Variants in AP3B1 observed in about 807,000 individuals in gnomAD.
AP3B1 encodes the protein AP-3 complex subunit beta-1.
AP3B1 carries 61 observed loss-of-function variants against 132.5 expected under a neutral mutation model. The ratio of observed to expected loss-of-function variants is 0.46; its 90% confidence interval spans 0.37 to 0.57. The LOEUF is 0.57. AP3B1 is among the 20% of genes least tolerant of loss of function. AP3B1 has a pLI of 0.00. For synonymous variants in AP3B1, 388 were observed against 438.3 expected (o/e 0.89, Z 1.43); for missense variants, 1,120 against 1,289.4 (o/e 0.87, Z 2.01).
At position 78,181,619 on chromosome 5, in the gene AP3B1, T is replaced by C. The variant is rs147761913; in HGVS notation, c.830A>G (p.Asp277Gly). ...GTCAGTCTTTTCCTTCTGATCATCA[T>C]CAGATTCGTAGAAATTCTTTCCATT... The part of the protein sequence containing the change: ...EDNGKNFYES[D>G]DDQKEKTDKK... Residue 277 changes from aspartate to glycine, a missense_variant, in exon 8 of 27, where the codon GAT becomes GGT. Around this residue, in one of 3 missense-constraint regions of AP3B1, gnomAD observed 906 missense variants for 997.1 expected, o/e 0.91. Coordinates refer to ENST00000255194, the MANE Select transcript of AP3B1 (RefSeq NM_003664.5). 1 of 1,612,406 alleles carries C rather than the reference T, an allele frequency of 6.2e-7. No homozygotes were observed.
intron 20 of AP3B1, among the ~76,000 whole-genome samples, chr5:78,102,858 T>G (rs994049515): frequency 3.3e-5 from 5 of 152,110 alleles, no homozygotes; most frequent in Non-Finnish European, 7.4e-5. Context: ...GCCAAGAGTG[T>G]GTAACAATAT....
intron 18 of AP3B1, among the ~76,000 whole-genome samples, chr5:78,115,547 G>A (rs1165453784): frequency 1.3e-5 from 2 of 152,112 alleles, no homozygotes; most frequent in Admixed American, 6.6e-5. Flanking sequence ...AGAAAAGTAG[G>A]TGCCTTATTC....
intron 9 of AP3B1, 88 bp downstream of exon 9, chr5:78,177,251 T>C (rs1358157829): frequency 1.6e-5 from 14 of 849,222 alleles, no homozygotes; most frequent in South Asian, 8.9e-5. Context: ...GTCAGAGTTA[T>C]ATATTAAATG....
intron 12 of AP3B1, 108 bp from the exon 13 acceptor site, chr5:78,163,059 T>G (rs1743455052): frequency 2.9e-6 from 3 of 1,047,736 alleles, no homozygotes; most frequent in African/African-American, 3.2e-5. Flanking sequence ...ATACATAAAC[T>G]TCTCATAAGC....
chr5:78,097,268 C>T (rs1486894200), intron 21 of AP3B1, among the ~76,000 whole-genome samples: 4 of 137,450 alleles, frequency 2.9e-5, no homozygotes, highest in Admixed American at 7.0e-5. Context: ...GCCAGCCACC[C>T]CGTCCGGGAG....
intron 2 of AP3B1, among the ~76,000 whole-genome samples, chr5:78,251,965 T>C (rs896474814): frequency 2.6e-5 from 4 of 152,116 alleles, no homozygotes; most frequent in Non-Finnish European, 5.9e-5. Flanking sequence ...TGGGGAGGAC[T>C]TTGTCTTGCA....
In AP3B1 at chr5:78,162,900, T is replaced by C. The variant is rs201185966; in HGVS notation, c.1282A>G (p.Ile428Val). ...AAGATGTTGGTTGCACATCTGCCTA[T>C]AGTCTGAATAGTGGCTGCTGCAAAT... Reference protein sequence around the residue: ...KQFAAATIQTIGRCATNILEV... With the variant: ...KQFAAATIQTVGRCATNILEV... The change falls in exon 13 of 27, where the codon ATA (isoleucine) becomes GTA (valine). Residue 428 changes from isoleucine (I) to valine (V), a missense_variant. Ile to Val is a conservative substitution (Grantham distance 29). Transcript: ENST00000255194. 24 of 1,613,780 alleles carry C rather than the reference T, an allele frequency of 1.5e-5. No homozygotes were observed. The highest frequency in any genetic ancestry group is 1.4e-5 in the Non-Finnish European group (17 of 1,179,780).
At chr5:78,107,116 A>G (rs1221781449) in intron 20 of AP3B1, among the ~76,000 whole-genome samples, 2 of 152,228 alleles carry the variant, frequency 1.3e-5, no homozygotes, top group Non-Finnish European at 2.9e-5. Flanking sequence ...ACTAAGTACT[A>G]ATTTGGGGTC....
At position 78,141,232 on chromosome 5, in the gene AP3B1, T is replaced by C. The variant is rs766845647; in HGVS notation, c.1561A>G (p.Met521Val). Residue 521 changes from methionine to valine, a missense_variant, in exon 15 of 27, where the codon ATG becomes GTG. Physicochemically the swap from Met to Val is conservative, Grantham distance 21 (BLOSUM62 1). Around this residue, in one of 3 missense-constraint regions of AP3B1, gnomAD observed 906 missense variants for 997.1 expected, o/e 0.91. Transcript: ENST00000255194. Reference sequence around the variant, plus strand: ...TCTTCACTAGTGAAGCTTTTAGCCATCTTCCTCAAAACATCAGGGGCAATT... The same window carrying C: ...TCTTCACTAGTGAAGCTTTTAGCCACCTTCCTCAAAACATCAGGGGCAATT... The part of the protein sequence containing the change: ...PKIAPDVLRK[M>V]AKSFTSEDDL... 23 of 1,613,688 alleles carry C rather than the reference T, an allele frequency of 1.4e-5. No homozygotes were observed. The highest frequency in any genetic ancestry group is 1.9e-5 in the Non-Finnish European group (22 of 1,179,750).
downstream of AP3B1, chr5:78,001,845 A>T (rs1746209616): frequency 6.6e-6 from 1 of 152,242 alleles, no homozygotes; most frequent in African/African-American, 2.4e-5. Flanking sequence ...AAGGTACGAA[A>T]GTATTAGAAA....
At chr5:78,155,094 T>C (rs1165227159) in intron 14 of AP3B1, among the ~76,000 whole-genome samples, 8 of 152,202 alleles carry the variant, frequency 5.3e-5, no homozygotes, top group Admixed American at 2.0e-4. Flanking sequence ...CTTATTGTAT[T>C]TGGGAAGGCT....
intron 22 of AP3B1, among the ~76,000 whole-genome samples, chr5:78,066,229 G>A (rs1749284321): frequency 6.6e-6 from 1 of 152,118 alleles, no homozygotes; most frequent in South Asian, 2.1e-4. Flanking sequence ...AAAACTGCTG[G>A]AAACTCAAAA....
chr5:78,085,884 C>T (rs1750225053), intron 22 of AP3B1, among the ~76,000 whole-genome samples: 1 of 151,858 alleles, frequency 6.6e-6, no homozygotes, highest in African/African-American at 2.4e-5. Context: ...AATAAAAAAC[C>T]CTCCAAAACA....
At chr5:78,023,229 G>A (rs1385848087) in intron 24 of AP3B1, among the ~76,000 whole-genome samples, 1 of 152,158 alleles carries the variant, frequency 6.6e-6, no homozygotes. Context: ...TTTGAGTACT[G>A]AGTTACCCAG....
rs199981655 is a variant in AP3B1 at position 78,221,774 on chromosome 5, T to TA, written c.603+3767dup. Among the ~76,000 whole-genome samples the TA allele has an allele frequency of 7.1e-4, 107 of 150,544 alleles. 1 individual carries two copies. The East Asian group carries it at 0.018, about 26-fold the overall frequency. ...GAATTAATATTTAAAATTATAATCTTAAAAAAAAACACTTTGCCAGAGATA... is the reference window on the plus strand; with the variant it reads ...GAATTAATATTTAAAATTATAATCTTAAAAAAAAAACACTTTGCCAGAGATA... On this transcript the variant is annotated intron_variant, in intron 6 of 26. Transcript: ENST00000255194.
chr5:78,232,485 C>T (rs893547811), intron 3 of AP3B1, among the ~76,000 whole-genome samples: 17 of 152,128 alleles, frequency 1.1e-4, no homozygotes, highest in African/African-American at 3.4e-4. Flanking sequence ...CCACTTAGGA[C>T]CCTGAAAGTC....
At chr5:78,288,179 T>A (rs1749361322) in intron 1 of AP3B1, among the ~76,000 whole-genome samples, 1 of 152,200 alleles carries the variant, frequency 6.6e-6, no homozygotes, top group Non-Finnish European at 1.5e-5. Flanking sequence ...CAAAGGCTTA[T>A]AACAAATAAT....
At chr5:78,093,953 C>G (rs1414190554) in intron 21 of AP3B1, among the ~76,000 whole-genome samples, 1 of 152,248 alleles carries the variant, frequency 6.6e-6, no homozygotes, top group Non-Finnish European at 1.5e-5. Context: ...CCACTGTCCT[C>G]TTAGTGACTC....
At chr5:78,121,095 T>G (rs979473555) in intron 17 of AP3B1, among the ~76,000 whole-genome samples, 1 of 152,062 alleles carries the variant, frequency 6.6e-6, no homozygotes, top group Non-Finnish European at 1.5e-5. Flanking sequence ...GAATGACTAC[T>G]GGGTACATAA....
Sources: allele counts gnomAD v4.1 joint callset (sites outside exome capture counted in the v4.1 genomes callset), GRCh38; gene constraint gnomAD v4.1.1; regional missense constraint gnomAD v4.1.1; transcripts MANE v1.5; gene names NCBI Gene and HGNC (gene_info 2026-07-23, HGNC 2026-07-21).